The following ZFHX3 variants were observed in gnomAD, a reference collection of about 807,000 sequenced individuals.
ZFHX3 encodes the protein zinc finger homeobox 3.
Under a neutral mutation model 279.1 loss-of-function variants are expected in ZFHX3, and 42 were observed. The observed-to-expected ratio is 0.15, with a 90% confidence interval of 0.12 to 0.19. The LOEUF is 0.19. Among genes scored for constraint, ZFHX3 ranks in the 10% least tolerant of loss-of-function variants. The probability of loss-of-function intolerance (pLI) is 1.00; values close to 1 mark genes in which losing one functional copy is unlikely to be tolerated. For synonymous variants in ZFHX3, 2,293 were observed against 1,957.8 expected (o/e 1.17, Z -4.52); for missense variants, 4,981 against 4,754.0 (o/e 1.05, Z -1.40).
chr16:73,151,547 G>C (rs929609012), intron 5 of ZFHX3, among the ~76,000 whole-genome samples: 1 of 144,822 alleles, frequency 6.9e-6, no homozygotes, highest in Non-Finnish European at 1.5e-5. Context: ...AGAATGTCGT[G>C]ATTGATTGGT....
intron 1 of ZFHX3, among the ~76,000 whole-genome samples, chr16:73,878,910 C>T (rs1054701934): frequency 2.0e-5 from 3 of 149,292 alleles, no homozygotes; most frequent in Non-Finnish European, 3.0e-5. Context: ...GACATCCAGT[C>T]CTACATCCTT....
intron 2 of ZFHX3, among the ~76,000 whole-genome samples, chr16:73,582,931 C>G (rs114760226): frequency 6.7e-6 from 1 of 149,588 alleles, no homozygotes; most frequent in African/African-American, 2.6e-5. Flanking sequence ...TTGTGAAGCT[C>G]TGGTCATTGT....
intron 3 of ZFHX3, among the ~76,000 whole-genome samples, chr16:73,338,981 C>T (rs2015975349): frequency 6.6e-6 from 1 of 152,194 alleles, no homozygotes. Flanking sequence ...TTTCCCTTGG[C>T]CTTCCACCAT....
At chr16:73,104,412 G>C (rs1966269206) in intron 7 of ZFHX3, among the ~76,000 whole-genome samples, 1 of 151,954 alleles carries the variant, frequency 6.6e-6, no homozygotes, top group African/African-American at 2.4e-5. Flanking sequence ...TGTATTTTTG[G>C]TAGAGACAGG....
At chr16:73,624,059 A>AT (rs1208678836) in intron 2 of ZFHX3, among the ~76,000 whole-genome samples, 5 of 152,232 alleles carry the variant, frequency 3.3e-5, no homozygotes, top group Non-Finnish European at 5.9e-5. Context: ...CAAATCAAGT[A>AT]TAAAAATTTC....
intron 2 of ZFHX3, among the ~76,000 whole-genome samples, chr16:73,659,550 CT>C (rs1254444746): frequency 2.6e-5 from 4 of 152,072 alleles, no homozygotes; most frequent in Admixed American, 6.6e-5. Flanking sequence ...CTTAATGTCC[CT>C]GGGGAGGTGG....
At position 73,536,552 on chromosome 16, in the gene ZFHX3, C is replaced by A. The variant is rs555966385; in HGVS notation, c.-1546-80294G>T. Among the ~76,000 whole-genome samples the A allele has an allele frequency of 2.0e-5, 3 of 152,342 alleles. No homozygotes were observed. In the East Asian group the frequency reaches 5.8e-4, roughly 29 times the overall value. ...AACCTCATTTAATTGTAACCTAAGT[C>A]AAAGTATCTATAAAATCATGGATTT... On this transcript the variant is annotated intron_variant, in intron 2 of 17. Transcript: ENST00000641206.
At chr16:73,143,947 A>AGT in intron 5 of ZFHX3, 2 of 406,502 alleles carry the variant, frequency 4.9e-6, no homozygotes, top group Non-Finnish European at 9.0e-6. Flanking sequence ...TTCTTAAATA[A>AGT]GATTTCTTTC....
At chr16:73,755,744 CA>C (rs1214562439) in intron 1 of ZFHX3, among the ~76,000 whole-genome samples, 1 of 152,166 alleles carries the variant, frequency 6.6e-6, no homozygotes, top group Non-Finnish European at 1.5e-5. Context: ...AGCTGCTTAT[CA>C]AAATGAAGCA....
intron 1 of ZFHX3, among the ~76,000 whole-genome samples, chr16:73,055,677 TACGCGCGCGCGC>T (rs1321574540): frequency 4.4e-5 from 4 of 91,324 alleles, no homozygotes; most frequent in Non-Finnish European, 6.5e-5. Flanking sequence ...GGTGCAGACG[TACGCGCGCGCGC>T]GCGCGCGCGC....
At chr16:73,283,044 C>A (rs1461193088) in intron 4 of ZFHX3, among the ~76,000 whole-genome samples, 4 of 152,188 alleles carry the variant, frequency 2.6e-5, no homozygotes, top group Non-Finnish European at 5.9e-5. Flanking sequence ...TAAATCTATA[C>A]TAAAACATCA....
At chr16:73,608,699 C>T (rs1424867277) in intron 2 of ZFHX3, 2 of 152,080 alleles carry the variant, frequency 1.3e-5, no homozygotes, top group Admixed American at 6.6e-5. Context: ...GGCAATTACC[C>T]GCCAATAGAT....
At chr16:73,477,391 A>T (rs1230328018) in intron 2 of ZFHX3, among the ~76,000 whole-genome samples, 1 of 152,212 alleles carries the variant, frequency 6.6e-6, no homozygotes, top group Non-Finnish European at 1.5e-5. Context: ...TTTGGAGCTG[A>T]TGGCTGCCAA....
At chr16:72,984,056 T>TG (rs908554019) in intron 1 of ZFHX3, among the ~76,000 whole-genome samples, 32 of 152,356 alleles carry the variant, frequency 2.1e-4, no homozygotes, top group Admixed American at 1.6e-3. Context: ...CTCATACACC[T>TG]GCAGCCTTCT....
Position 72,788,825 on chromosome 16 carries a change from A to T in ZFHX3, c.9451T>A (p.Leu3151Met), listed in dbSNP as rs2035577040. The T allele has an allele frequency of 2.0e-6, 3 of 1,523,080 alleles. No homozygotes were observed. Among genetic ancestry groups the T allele is most frequent in the Non-Finnish European group, 2.6e-6 (3 of 1,138,626 alleles). The allele number at this position is 1,523,080 out of a possible 1,614,324, so 94.3% of individuals were successfully genotyped here. ...ACAGTTGTGCTGGGCAGACCCATCA[A>T]GTTCGGCTTAGGAGACGTTAAAGCT... ...NTALTSPKPN[L>M]MGLPSTTVPS... Residue 3151 changes from leucine to methionine, a missense_variant, in exon 10 of 10, where the codon TTG becomes ATG. Coordinates refer to ENST00000268489, the MANE Select transcript of ZFHX3 (RefSeq NM_006885.4).
intron 2 of ZFHX3, among the ~76,000 whole-genome samples, chr16:72,951,588 TTC>T (rs1233097659): frequency 6.6e-6 from 1 of 152,188 alleles, no homozygotes; most frequent in African/African-American, 2.4e-5. Context: ...AATTCATCCC[TTC>T]TCTGAGATCC....
At chr16:72,847,892 G>T (rs2037518603) in intron 4 of ZFHX3, among the ~76,000 whole-genome samples, 1 of 152,082 alleles carries the variant, frequency 6.6e-6, no homozygotes, top group South Asian at 2.1e-4. Context: ...AGCCCGAGGG[G>T]GAGGAGGCTG....
At chr16:73,320,238 A>G (rs1467875695) in intron 3 of ZFHX3, among the ~76,000 whole-genome samples, 1 of 152,218 alleles carries the variant, frequency 6.6e-6, no homozygotes, top group Non-Finnish European at 1.5e-5. Flanking sequence ...CCATCAGACT[A>G]ATGACCCCTT....
At chr16:73,624,868 C>T (rs1469232263) in intron 2 of ZFHX3, among the ~76,000 whole-genome samples, 1 of 152,112 alleles carries the variant, frequency 6.6e-6, no homozygotes, top group Non-Finnish European at 1.5e-5. Context: ...CTTCATTTTT[C>T]CCCAAATCCG....
Sources: gnomAD v4.1 joint callset for allele counts (sites outside exome capture counted in the v4.1 genomes callset) on GRCh38, gnomAD v4.1.1 for gene constraint, MANE v1.5 for transcripts, NCBI Gene and HGNC (gene_info 2026-07-23, HGNC 2026-07-21) for gene names.